The following FBLN2 variants were observed in gnomAD, a reference collection of about 807,000 sequenced individuals.
FBLN2 encodes the protein fibulin-2.
A neutral mutation model predicts 123.7 loss-of-function variants in FBLN2; 81 were observed. The ratio of observed to expected loss-of-function variants is 0.65; its 90% confidence interval spans 0.55 to 0.79. The LOEUF (loss-of-function observed/expected upper bound fraction) is 0.79, where lower values mean the gene tolerates loss of function less well. Ranked by LOEUF, FBLN2 falls within the 30% of genes least tolerant of loss-of-function variation. The pLI is 0.00. For synonymous variants in FBLN2, 699 were observed against 701.4 expected (o/e 1.00, Z 0.05); for missense variants, 1,603 against 1,681.3 (o/e 0.95, Z 0.81).
intron 2 of FBLN2, among the ~76,000 whole-genome samples, chr3:13,581,222 T>TGG (rs138166929): frequency 4.3e-4 from 18 of 42,308 alleles, no homozygotes; most frequent in South Asian, 1.7e-3. Context: ...AGGTGGGGGG[T>TGG]GGGGGGGAGG....
At chr3:13,593,183 A>G (rs1268388833) in intron 2 of FBLN2, among the ~76,000 whole-genome samples, 34 of 152,362 alleles carry the variant, frequency 2.2e-4, no homozygotes, top group African/African-American at 7.7e-4. Flanking sequence ...CAGTCATCAC[A>G]GATAGGATGG....
intron 2 of FBLN2, among the ~76,000 whole-genome samples, chr3:13,603,353 C>T (rs1401614951): frequency 3.3e-5 from 5 of 151,414 alleles, no homozygotes; most frequent in African/African-American, 1.2e-4. Context: ...TTGTCATTTA[C>T]ATTAGGTATT....
At chr3:13,586,867 G>A (rs1419140897) in intron 2 of FBLN2, among the ~76,000 whole-genome samples, 1 of 151,152 alleles carries the variant, frequency 6.6e-6, no homozygotes, top group Non-Finnish European at 1.5e-5. Context: ...TTGAAAATAG[G>A]CTGGGTGCGG....
intron 1 of FBLN2, among the ~76,000 whole-genome samples, chr3:13,553,236 A>G (rs1703372631): frequency 6.6e-6 from 1 of 152,210 alleles, no homozygotes; most frequent in South Asian, 2.1e-4. Flanking sequence ...AGGCAGCCTC[A>G]GGGCGTTCCG....
At chr3:13,588,195 T>C (rs1704567329) in intron 2 of FBLN2, among the ~76,000 whole-genome samples, 1 of 152,246 alleles carries the variant, frequency 6.6e-6, no homozygotes, top group African/African-American at 2.4e-5. Flanking sequence ...ATACTTACCA[T>C]TGTGTTCCAG....
intron 4 of FBLN2, among the ~76,000 whole-genome samples, chr3:13,610,972 ATCTCGTCT>A (rs1251733785): frequency 1.3e-5 from 2 of 151,460 alleles, no homozygotes; most frequent in African/African-American, 2.4e-5. Flanking sequence ...CAGTGGTACG[ATCTCGTCT>A]CACTGCAACT....
At chr3:13,590,878 C>T (rs1017183418) in intron 2 of FBLN2, among the ~76,000 whole-genome samples, 1 of 152,216 alleles carries the variant, frequency 6.6e-6, no homozygotes, top group Admixed American at 6.5e-5. Flanking sequence ...TGAGCATTCT[C>T]GTCTGCGTCT....
intron 2 of FBLN2, among the ~76,000 whole-genome samples, chr3:13,589,639 A>G (rs530010033): frequency 6.6e-6 from 1 of 152,286 alleles, no homozygotes; most frequent in Admixed American, 6.5e-5. Context: ...TTGACACTGT[A>G]TCTTGCAACT....
intron 2 of FBLN2, among the ~76,000 whole-genome samples, chr3:13,595,095 G>A (rs1268502869): frequency 6.6e-6 from 1 of 152,176 alleles, no homozygotes; most frequent in African/African-American, 2.4e-5. Context: ...AGGCTGGGAC[G>A]TTCCTTCTAG....
In FBLN2 at chr3:13,638,355, T is replaced by A. The variant is rs7596; in HGVS notation, c.*436T>A. 0.35 allele frequency: 108,815 copies of A among 312,586 alleles called. 17,650 individuals carry two copies. The highest frequency in any genetic ancestry group is 0.62 in the East Asian group (4,999 of 8,038). 19.4% of individuals were successfully genotyped at this position (312,586 alleles called of 1,614,324 possible). A position where few individuals can be genotyped will look rare whatever the true frequency, so the allele number is the denominator to read the frequency against. On this transcript the variant is annotated 3_prime_UTR_variant, in exon 18 of 18. Coordinates refer to ENST00000404922, the MANE Select transcript of FBLN2 (RefSeq NM_001004019.2). ...TATAAAGTAGTACATGTACATTATA[T>A]AAAAAAAAGTTCAACTAGTATGAAA...
At position 13,611,375 on chromosome 3, in the gene FBLN2, A is replaced by G. The variant is rs1705386707; in HGVS notation, c.1548+1733A>G. ...CGCAGCCGTCACCACCAAGCACCCA[A>G]GGAACTTTCTTATCTTCTCAAGCTG... On this transcript the variant is annotated intron_variant, in intron 4 of 17. Transcript: ENST00000404922. 2.6e-5 allele frequency among the ~76,000 whole-genome samples: 4 copies of G among 152,170 alleles called. No homozygotes were observed. The South Asian group carries it at 8.3e-4, about 32-fold the overall frequency.
intron 1 of FBLN2, chr3:13,569,026 C>T (rs550564230): frequency 1.2e-5 from 12 of 985,986 alleles, no homozygotes; most frequent in African/African-American, 7.0e-5. Context: ...GGCTGGGAGT[C>T]GGAGAAGGAG....
Position 13,626,487 on chromosome 3 carries a change from G to T in FBLN2, c.2339G>T (p.Gly780Val). 6.3e-7 allele frequency: 1 copy of T among 1,578,228 alleles called. No homozygotes were observed. Among genetic ancestry groups the T allele is most frequent in the Non-Finnish European group, 8.6e-7 (1 of 1,161,968 alleles). Residue 780 changes from glycine (G) to valine (V), a missense_variant, in exon 10 of 18, where the codon GGC becomes GTC. Transcript: ENST00000404922. ...ACGGACCTGCACACGTGCAGCCGGG[G>T]CGAGCACTGTGTGAACACACTGGGC... ...CVTDLHTCSR[G>V]EHCVNTLGSF...
At chr3:13,590,987 T>G (rs1034887455) in intron 2 of FBLN2, among the ~76,000 whole-genome samples, 2 of 152,126 alleles carry the variant, frequency 1.3e-5, no homozygotes, top group Non-Finnish European at 2.9e-5. Flanking sequence ...TGCCAAATGG[T>G]TTTCCAAAGT....
chr3:13,584,008 G>A (rs1413286028), intron 2 of FBLN2, among the ~76,000 whole-genome samples: 1 of 152,218 alleles, frequency 6.6e-6, no homozygotes, highest in Non-Finnish European at 1.5e-5. Flanking sequence ...AGCAGCACTA[G>A]AAGTCTGGGA....
At chr3:13,586,447 G>C (rs1009145587) in intron 2 of FBLN2, among the ~76,000 whole-genome samples, 1 of 151,046 alleles carries the variant, frequency 6.6e-6, no homozygotes, top group African/African-American at 2.4e-5. Flanking sequence ...CCTCTCAAAG[G>C]GTTGGGATTA....
In FBLN2 at chr3:13,631,336, C is replaced by T. The variant is rs375382301; in HGVS notation, c.3093C>T (p.Asp1031=). ...AEDGHTCTDI[D]ECAQGAGILC... Reference sequence around the variant, plus strand: ...TGAACCTCTCTCTGACAGACATCGACGAGTGTGCTCAAGGCGCCGGCATCC... The same window carrying T: ...TGAACCTCTCTCTGACAGACATCGATGAGTGTGCTCAAGGCGCCGGCATCC... The change falls in exon 16 of 18, where the codon GAC becomes GAT. Residue 1031 remains aspartate, a synonymous_variant. Transcript: ENST00000404922. 283 of 1,602,550 alleles carry T rather than the reference C, an allele frequency of 1.8e-4. No individual in the cohort carries two copies. The highest frequency in any genetic ancestry group is 1.7e-3 in the African/African-American group (127 of 74,866).
At chr3:13,611,689 A>G (rs1299452452) in intron 4 of FBLN2, among the ~76,000 whole-genome samples, 2 of 152,290 alleles carry the variant, frequency 1.3e-5, no homozygotes, top group East Asian at 3.9e-4. Flanking sequence ...ATCGATGGAC[A>G]CTTGGGTTGC....
At chr3:13,562,566 A>G (rs1227622970) in intron 1 of FBLN2, among the ~76,000 whole-genome samples, 1 of 152,144 alleles carries the variant, frequency 6.6e-6, no homozygotes, top group Non-Finnish European at 1.5e-5. Context: ...CATGTTGGCC[A>G]GGATGGCCTC....
Sources: allele counts gnomAD v4.1 joint callset (sites outside exome capture counted in the v4.1 genomes callset), GRCh38; gene constraint gnomAD v4.1.1; transcripts MANE v1.5; gene names NCBI Gene and HGNC (gene_info 2026-07-23, HGNC 2026-07-21).